Variants in DOK6 observed in about 807,000 individuals in gnomAD.
The protein encoded by DOK6 is docking protein 6, also known as downstream of tyrosine kinase 6.
DOK6 carries 22 observed loss-of-function variants against 44.0 expected under a neutral mutation model. The observed-to-expected ratio is 0.50, with a 90% CI of 0.36 to 0.71. The LOEUF is 0.71. DOK6 is among the 30% of genes least tolerant of loss of function. The probability of loss-of-function intolerance (pLI) is 0.00; values close to 1 mark genes in which losing one functional copy is unlikely to be tolerated. For missense variants in DOK6, 340 were observed against 416.4 expected, an observed-to-expected ratio of 0.82 and a Z score of 1.60; for synonymous variants, 166 against 145.5, an observed-to-expected ratio of 1.14 and a Z score of -1.01.
chr18:69,514,710 T>A (rs991244884), intron 1 of DOK6, among the ~76,000 whole-genome samples: 1 of 123,606 alleles, frequency 8.1e-6, no homozygotes, highest in African/African-American at 2.6e-5. Flanking sequence ...TTGGGTAGGT[T>A]TTTTGTTTTT....
At chr18:69,523,352 A>G (rs1055964130) in intron 1 of DOK6, among the ~76,000 whole-genome samples, 2 of 152,126 alleles carry the variant, frequency 1.3e-5, no homozygotes, top group Admixed American at 1.3e-4. Flanking sequence ...TGGAGTATTT[A>G]TACTGACATA....
intron 2 of DOK6, among the ~76,000 whole-genome samples, chr18:69,570,215 T>A (rs532874149): frequency 9.0e-4 from 137 of 152,066 alleles, no homozygotes; most frequent in Middle Eastern, 3.4e-3. Flanking sequence ...ATATATTTTT[T>A]AAAAAAGCAA....
At chr18:69,612,431 A>ACG (rs1984171555) in intron 3 of DOK6, among the ~76,000 whole-genome samples, 2 of 147,264 alleles carry the variant, frequency 1.4e-5, no homozygotes, top group African/African-American at 4.9e-5. Flanking sequence ...GCGAGGGCGC[A>ACG]TGTGTGCGAG....
rs1419794059 is a variant in DOK6, at chr18:69,545,530, A to AG, written c.67-18957_67-18956insG. 2.4e-3 allele frequency among the ~76,000 whole-genome samples: 356 copies of AG among 150,370 alleles called. 1 individual carries two copies. Among genetic ancestry groups the AG allele is most frequent in the African/African-American group, 8.3e-3 (340 of 41,122 alleles). ...CAGTGAAATACCAAAAAAAAAAAAA[A>AG]AAAGAAAAGAAAAAACACTTGACCT... On this transcript the variant is annotated intron_variant, in intron 1 of 7. Coordinates refer to ENST00000382713, the MANE Select transcript of DOK6 (RefSeq NM_152721.6).
rs746328436 is a variant in DOK6, at chr18:69,841,236, C to T, written c.857-8C>T. ...TTCTCAGTAGAGCTCTCCTTTCTTCCTCTCTAGGTCATGGGTTTGGTTCGT... is the reference window on the plus strand; with the variant it reads ...TTCTCAGTAGAGCTCTCCTTTCTTCTTCTCTAGGTCATGGGTTTGGTTCGT... On this transcript the variant is annotated splice_polypyrimidine_tract_variant and splice_region_variant and intron_variant, in intron 7 of 7. Transcript: ENST00000382713. 3 of 1,613,992 alleles carry T rather than the reference C, an allele frequency of 1.9e-6. No individual in the cohort carries two copies. The African/African-American group carries it at 4.0e-5, about 22-fold the overall frequency.
intron 6 of DOK6, among the ~76,000 whole-genome samples, chr18:69,753,454 C>T (rs897112505): frequency 3.3e-5 from 5 of 152,284 alleles, no homozygotes; most frequent in Non-Finnish European, 5.9e-5. Context: ...TGAGATGTGT[C>T]GGTTGTCCCT....
intron 5 of DOK6, among the ~76,000 whole-genome samples, chr18:69,716,007 A>AT (rs1037612446): frequency 1.3e-5 from 2 of 152,202 alleles, no homozygotes; most frequent in African/African-American, 2.4e-5. Flanking sequence ...GCTAGAATTA[A>AT]TTTTTTTGTA....
chr18:69,520,143 A>T (rs1467170222), intron 1 of DOK6, among the ~76,000 whole-genome samples: 2 of 151,860 alleles, frequency 1.3e-5, no homozygotes, highest in Admixed American at 1.3e-4. Context: ...TATTATTATT[A>T]AAGAGAATTT....
intron 6 of DOK6, among the ~76,000 whole-genome samples, chr18:69,743,169 G>C (rs1350321435): frequency 6.6e-6 from 1 of 151,996 alleles, no homozygotes; most frequent in African/African-American, 2.4e-5. Flanking sequence ...ATTAAGCTAG[G>C]GTAATACATA....
At chr18:69,761,553 C>T (rs533904481) in intron 7 of DOK6, among the ~76,000 whole-genome samples, 96 of 152,252 alleles carry the variant, frequency 6.3e-4, no homozygotes, top group Non-Finnish European at 9.0e-4. Flanking sequence ...TTTTCTGTAA[C>T]TGCTTCCTGC....
intron 2 of DOK6, among the ~76,000 whole-genome samples, chr18:69,584,682 T>G (rs12962595): frequency 0.53 from 80,601 of 151,892 alleles, 25,360 homozygotes; most frequent in Non-Finnish European, 0.72. Context: ...GAGAAGAGAT[T>G]AATTCACTGT....
In DOK6 at chr18:69,841,272, T is replaced by C. The variant is rs1982209275; in HGVS notation, c.885T>C (p.Ser295=). The C allele has an allele frequency of 6.2e-7, 1 of 1,614,096 alleles. No homozygotes were observed. ...QGHGFGSSKM[S]RAQTFPSYAP... is the part of the protein sequence containing the mutation. ...ATGGGTTTGGTTCGTCAAAGATGTC[T>C]CGTGCACAGACATTTCCCAGCTACG... The change falls in exon 8 of 8, where the codon TCT becomes TCC. Residue 295 remains serine (S), a synonymous_variant. Coordinates refer to ENST00000382713, the MANE Select transcript of DOK6 (RefSeq NM_152721.6).
At chr18:69,495,656 T>C (rs1447489832) in intron 1 of DOK6, among the ~76,000 whole-genome samples, 1 of 152,194 alleles carries the variant, frequency 6.6e-6, no homozygotes, top group East Asian at 1.9e-4. Flanking sequence ...CCTGCAGCCT[T>C]CAGGCCCTTC....
chr18:69,510,592 A>C (rs1271386524), intron 1 of DOK6, among the ~76,000 whole-genome samples: 1 of 152,194 alleles, frequency 6.6e-6, no homozygotes, highest in Non-Finnish European at 1.5e-5. Flanking sequence ...ACGTGAATAC[A>C]TTGTGTCATG....
At chr18:69,514,912 T>G (rs1040968483) in intron 1 of DOK6, among the ~76,000 whole-genome samples, 2 of 151,970 alleles carry the variant, frequency 1.3e-5, no homozygotes, top group African/African-American at 4.8e-5. Context: ...CTCAGTGTTG[T>G]CTTCTGTTCA....
At chr18:69,513,491 A>C (rs9948010) in intron 1 of DOK6, among the ~76,000 whole-genome samples, 1,540 of 152,328 alleles carry the variant, frequency 0.01, 22 homozygotes, top group African/African-American at 0.028. Flanking sequence ...TCCAGCAATA[A>C]GTGGTTTCCA....
intron 1 of DOK6, among the ~76,000 whole-genome samples, chr18:69,551,244 A>T (rs1442143526): frequency 1.3e-5 from 2 of 152,204 alleles, no homozygotes; most frequent in Non-Finnish European, 2.9e-5. Flanking sequence ...CAGTTACATT[A>T]AAAAATATGT....
intron 2 of DOK6, among the ~76,000 whole-genome samples, chr18:69,591,571 C>G (rs1446137991): frequency 6.6e-6 from 1 of 150,784 alleles, no homozygotes; most frequent in Non-Finnish European, 1.5e-5. Flanking sequence ...CAAAACTGGA[C>G]TTTTCTGAAG....
chr18:69,759,619 C>A lies in DOK6; in HGVS notation c.856+1746C>A, dbSNP rs367718839. On this transcript the variant is annotated intron_variant, in intron 7 of 7. Coordinates refer to ENST00000382713, the MANE Select transcript of DOK6 (RefSeq NM_152721.6). ...CAGAGCTAAGATTTAGACTGATACA[C>A]AATTTCTGCAATGGCTTTGCATCTG... 2.0e-5 allele frequency among the ~76,000 whole-genome samples: 3 copies of A among 152,300 alleles called. No homozygotes were observed. In the South Asian group the frequency reaches 6.2e-4, roughly 32 times the overall value.
Sources: gnomAD v4.1 joint callset for allele counts (sites outside exome capture counted in the v4.1 genomes callset) on GRCh38, gnomAD v4.1.1 for gene constraint, MANE v1.5 for transcripts, NCBI Gene and HGNC (gene_info 2026-07-23, HGNC 2026-07-21) for gene names.